CASP2: variants seen among roughly 807,000 people sequenced by gnomAD.
CASP2 encodes the protein caspase-2.
Under a neutral mutation model 54.4 loss-of-function variants are expected in CASP2, and 38 were observed. The observed-to-expected ratio is 0.70, with a 90% CI of 0.54 to 0.92. CASP2 has a LOEUF of 0.92. Ranked by LOEUF, CASP2 falls within the 40% of genes least tolerant of loss-of-function variation. The pLI is 0.00. For missense variants in CASP2, 512 were observed against 579.6 expected, an observed-to-expected ratio of 0.88 and a Z score of 1.20; for synonymous variants, 215 against 216.3, an observed-to-expected ratio of 0.99 and a Z score of 0.05.
intron 6 of CASP2, 81 bp downstream of exon 6, chr7:143,294,854 G>A: frequency 8.0e-7 from 1 of 1,243,628 alleles, no homozygotes; most frequent in South Asian, 1.3e-5. Context: ...TTGTTCCTGT[G>A]CCTGCTGGGA....
At position 143,303,876 on chromosome 7, in the gene CASP2, C is replaced by G. The variant is rs764823349; in HGVS notation, c.1060C>G (p.Pro354Ala). The G allele has an allele frequency of 5.3e-5, 86 of 1,613,220 alleles. No individual in the cohort carries two copies. The highest frequency in any genetic ancestry group is 1.6e-4 in the Middle Eastern group (1 of 6,084). The change falls in exon 9 of 11, where the codon CCG becomes GCG. Residue 354 changes from proline (P) to alanine (A), a missense_variant. Around this residue, in one of 3 missense-constraint regions of CASP2, gnomAD observed 417 missense variants for 495.4 expected, o/e 0.84. Transcript: ENST00000310447. ...GAGTGATGCCGGTAAAGAAAAGTTG[C>G]CGAAGATGAGACTGCCCACGCGCTC... ...EESDAGKEKL[P>A]KMRLPTRSDM...
chr7:143,289,602 A>G (rs1801491532), intron 1 of CASP2: 8 of 983,400 alleles, frequency 8.1e-6, no homozygotes, highest in Admixed American at 6.1e-5. Flanking sequence ...GAAGAGAACG[A>G]TTTAAGGAGC....
At position 143,300,184 on chromosome 7, in the gene CASP2, T is replaced by A. The variant is rs1419598556; in HGVS notation, c.877-20T>A. 4 of 1,613,892 alleles carry A rather than the reference T, an allele frequency of 2.5e-6. No individual in the cohort carries two copies. The African/African-American group carries it at 4.0e-5, about 16-fold the overall frequency. ...CCGCTGAATGCTTAACCTCTCTTCT[T>A]CCTTCTTTCTTTCTGGCAGCTCCAA... On this transcript the variant is annotated intron_variant, in intron 7 of 10. Transcript: ENST00000310447.
chr7:143,297,400 A>G (rs1801786472), intron 6 of CASP2, among the ~76,000 whole-genome samples: 1 of 152,156 alleles, frequency 6.6e-6, no homozygotes, highest in Non-Finnish European at 1.5e-5. Flanking sequence ...TAATCTCACT[A>G]AATTCAAAAT....
At chr7:143,304,569 G>A (rs1802011643) in intron 9 of CASP2, 105 bp from the exon 10 acceptor site, 1 of 823,016 alleles carries the variant, frequency 1.2e-6, no homozygotes, top group African/African-American at 1.7e-5. Flanking sequence ...TCTTCATGCT[G>A]GGTTCTCTGA....
At chr7:143,299,275 G>C (rs545865437) in intron 6 of CASP2, among the ~76,000 whole-genome samples, 2 of 152,238 alleles carry the variant, frequency 1.3e-5, no homozygotes, top group South Asian at 2.1e-4. Flanking sequence ...GTCTGAGTAA[G>C]CTGTTCCAAC....
chr7:143,300,130 A>G (rs376462450), intron 7 of CASP2, 74 bp from the exon 8 acceptor site: 5 of 1,611,368 alleles, frequency 3.1e-6, no homozygotes, highest in African/African-American at 2.7e-5. Context: ...AGTGATGGCT[A>G]CTGTTGCATG....
intron 4 of CASP2, chr7:143,293,170 C>G: frequency 4.6e-6 from 3 of 658,156 alleles, no homozygotes; most frequent in Non-Finnish European, 8.1e-6. Context: ...TTCTGTCACC[C>G]AGGCTGGAAT....
chr7:143,303,749 A>G, intron 8 of CASP2, 35 bp from the exon 9 acceptor site: 1 of 1,607,782 alleles, frequency 6.2e-7, no homozygotes, highest in Non-Finnish European at 8.5e-7. Flanking sequence ...AGGAAGAAGT[A>G]ACATCATTGT....
intron 8 of CASP2, chr7:143,301,680 GAAAC>G (rs773566498): frequency 2.0e-5 from 3 of 152,142 alleles, no homozygotes; most frequent in Non-Finnish European, 4.4e-5. Flanking sequence ...TCGTAGGAAA[GAAAC>G]AATACAATAT....
At chr7:143,289,114 G>A (rs1330574541) in intron 1 of CASP2, among the ~76,000 whole-genome samples, 1 of 152,154 alleles carries the variant, frequency 6.6e-6, no homozygotes, top group Admixed American at 6.5e-5. Context: ...CCATTTCATG[G>A]CAGTCATCAC....
In CASP2 at chr7:143,294,616, G is replaced by A. The variant is rs373353027; in HGVS notation, c.590G>A (p.Arg197Gln). The A allele has an allele frequency of 6.2e-6, 10 of 1,614,142 alleles. No individual in the cohort carries two copies. The highest frequency in any genetic ancestry group is 4.4e-5 in the South Asian group (4 of 91,074). The change falls in exon 6 of 11, where the codon CGG becomes CAG. Residue 197 changes from arginine (R) to glutamine (Q), a missense_variant. Physicochemically the swap from Arg to Gln is conservative, Grantham distance 43. Around this residue, in one of 3 missense-constraint regions of CASP2, gnomAD observed 417 missense variants for 495.4 expected, o/e 0.84. Coordinates refer to ENST00000310447, the MANE Select transcript of CASP2 (RefSeq NM_032982.4). ...CCACAGGCATATAGGTTGCAGTCTC[G>A]GCCTCGTGGCCTAGCACTGGTGTTG... ...HFQLAYRLQS[R>Q]PRGLALVLSN...
chr7:143,304,078 G>A, intron 9 of CASP2, 145 bp downstream of exon 9: 1 of 819,832 alleles, frequency 1.2e-6, no homozygotes. Context: ...TGTTTTTTTG[G>A]ATTTTGGAAT....
intron 3 of CASP2, 36 bp from the exon 4 acceptor site, chr7:143,292,581 C>T: frequency 6.2e-7 from 1 of 1,608,656 alleles, no homozygotes; most frequent in Non-Finnish European, 8.5e-7. Context: ...GACCACTTCC[C>T]TAAGGTCTGT....
Position 143,300,243 on chromosome 7 carries a change from C to T in CASP2, c.916C>T (p.Pro306Ser). Residue 306 changes from proline (P) to serine (S), a missense_variant, in exon 8 of 11, where the codon CCA (proline) becomes TCA (serine). By Grantham distance (74) the Pro-to-Ser change is moderately conservative (BLOSUM62 -1). This residue lies in a region of CASP2 where 417 missense variants were observed against 495.4 expected (regional missense o/e 0.84). Coordinates refer to ENST00000310447, the MANE Select transcript of CASP2 (RefSeq NM_032982.4). The stretch of plus-strand genomic sequence containing the variant: ...TCAGCTCTTTGACAACGCCAACTGC[C>T]CAAGCCTACAGAACAAACCAAAAAT... ...VFQLFDNANC[P>S]SLQNKPKMFF... 6.2e-7 allele frequency: 1 copy of T among 1,614,146 alleles called. No homozygotes were observed. Among genetic ancestry groups the T allele is most frequent in the South Asian group, 1.1e-5 (1 of 91,086 alleles).
At position 143,303,816 on chromosome 7, in the gene CASP2, G is replaced by A. The variant is rs746032054; in HGVS notation, c.1000G>A (p.Gly334Arg). The A allele has an allele frequency of 8.1e-6, 13 of 1,613,774 alleles. No individual in the cohort carries two copies. The highest frequency in any genetic ancestry group is 4.0e-5 in the African/African-American group (3 of 74,856). The change falls in exon 9 of 11, where the codon GGA (glycine) becomes AGA (arginine). Residue 334 changes from glycine (G) to arginine (R), a missense_variant. This residue lies in a region of CASP2 where 417 missense variants were observed against 495.4 expected (regional missense o/e 0.84). Transcript: ENST00000310447. ...TGATCGTGGGGTTGACCAACAAGAT[G>A]GAAAGAACCACGCAGGATCCCCTGG... ...ETDRGVDQQD[G>R]KNHAGSPGCE...
In CASP2 at chr7:143,305,293, G is replaced by A; in HGVS notation, c.*222G>A. On this transcript the variant is annotated 3_prime_UTR_variant, in exon 11 of 11. Coordinates refer to ENST00000310447, the MANE Select transcript of CASP2 (RefSeq NM_032982.4). ...TTGCCTGTAGAGCCAGCCTTGGTTG[G>A]ACCTATTGCCAGGAATGTTTCAGCT... The A allele has an allele frequency of 1.6e-6, 1 of 617,928 alleles. No individual in the cohort carries two copies. The highest frequency in any genetic ancestry group is 2.8e-5 in the East Asian group (1 of 35,282). 38.3% of individuals were successfully genotyped at this position (617,928 alleles called of 1,614,324 possible). A position where few individuals can be genotyped will look rare whatever the true frequency, so the allele number is the denominator to read the frequency against.
intron 1 of CASP2, among the ~76,000 whole-genome samples, chr7:143,288,755 C>G (rs1003188118): frequency 6.6e-6 from 1 of 152,230 alleles, no homozygotes; most frequent in Non-Finnish European, 1.5e-5. Context: ...AAAGACTGCC[C>G]CAGCCTCCCT....
chr7:143,288,477 T>G lies in CASP2; in HGVS notation c.22T>G (p.Ser8Ala). The change falls in exon 1 of 11, where the codon TCT (serine) becomes GCT (alanine). Residue 8 changes from serine (S) to alanine (A), a missense_variant. Coordinates refer to ENST00000310447, the MANE Select transcript of CASP2 (RefSeq NM_032982.4). ...GGAAATGGCGGCGCCGAGCGCGGGG[T>G]CTTGGTCCACCTTCCAGCACAAGGA... MAAPSAG[S>A]WSTFQHKELM... is the part of the protein sequence containing the mutation. 1 of 1,613,086 alleles carries G rather than the reference T, an allele frequency of 6.2e-7. No individual in the cohort carries two copies. The highest frequency in any genetic ancestry group is 1.1e-5 in the South Asian group (1 of 91,050).
Sources: gnomAD v4.1 joint callset for allele counts (sites outside exome capture counted in the v4.1 genomes callset) on GRCh38, gnomAD v4.1.1 for gene constraint, gnomAD v4.1.1 regional missense constraint, MANE v1.5 for transcripts, NCBI Gene and HGNC (gene_info 2026-07-23, HGNC 2026-07-21) for gene names.